The following KDM5B variants were observed in gnomAD, a reference collection of about 807,000 sequenced individuals.
The protein encoded by KDM5B is lysine demethylase 5B, also known as lysine-specific demethylase 5B.
In KDM5B, 144 loss-of-function variants were observed where a neutral mutation model predicts 193.4. That is an observed-to-expected ratio of 0.74 (90% CI 0.65 to 0.86). The LOEUF (loss-of-function observed/expected upper bound fraction) is 0.86. KDM5B is among the 40% of genes least tolerant of loss of function. The pLI is 0.00. For missense variants in KDM5B, 1,833 were observed against 1,886.9 expected, an observed-to-expected ratio of 0.97 and a Z score of 0.53; for synonymous variants, 668 against 682.6, an observed-to-expected ratio of 0.98 and a Z score of 0.33.
In KDM5B at chr1:202,728,770, C is replaced by T; in HGVS notation, c.*266G>A. ...TCAATGCCTTCCAAATTGGTGGGAA[C>T]CCCTGCAAAAAAAACAGTCAGCTTT... On this transcript the variant is annotated 3_prime_UTR_variant, in exon 27 of 27. Transcript: ENST00000367265. The T allele has an allele frequency of 2.8e-6, 1 of 353,304 alleles. No individual in the cohort carries two copies. Among genetic ancestry groups the T allele is most frequent in the East Asian group, 5.4e-5 (1 of 18,598 alleles). 21.9% of individuals were successfully genotyped at this position (353,304 alleles called of 1,614,324 possible). A position where few individuals can be genotyped will look rare whatever the true frequency, so the allele number is the denominator to read the frequency against.
At chr1:202,743,006 C>T (rs972362316) in intron 16 of KDM5B, among the ~76,000 whole-genome samples, 2 of 151,942 alleles carry the variant, frequency 1.3e-5, no homozygotes, top group Non-Finnish European at 2.9e-5. Flanking sequence ...TAAACAAGTG[C>T]CTAGAGTTGA....
In KDM5B at chr1:202,760,545, C is replaced by T. The variant is rs1359455080; in HGVS notation, c.947G>A (p.Gly316Asp). 1 of 1,612,274 alleles carries T rather than the reference C, an allele frequency of 6.2e-7. No homozygotes were observed. The highest frequency in any genetic ancestry group is 8.5e-7 in the Non-Finnish European group (1 of 1,179,132). Residue 316 changes from glycine to aspartate, a missense_variant, in exon 8 of 27, where the codon GGC (glycine) becomes GAC (aspartate). By Grantham distance (94) the Gly-to-Asp change is moderately conservative. Around this residue, in one of 3 missense-constraint regions of KDM5B, gnomAD observed 99 missense variants for 162.4 expected, o/e 0.61. Transcript: ENST00000367265. ...AVDLYVCLLCGSGNDEDRLLL... is the reference protein window; with the variant it reads ...AVDLYVCLLCDSGNDEDRLLL... Reference sequence around the variant, plus strand: ...TAGCCGGTCTTCATCATTGCCACTGCCACATAAAAGACAGACATACAGGTC... The same window carrying T: ...TAGCCGGTCTTCATCATTGCCACTGTCACATAAAAGACAGACATACAGGTC...
intron 1 of KDM5B, among the ~76,000 whole-genome samples, chr1:202,778,605 TTTTA>T (rs770475289): frequency 2.3e-4 from 35 of 152,090 alleles, no homozygotes; most frequent in Non-Finnish European, 4.1e-4. Flanking sequence ...AGCATAGATC[TTTTA>T]TTTATTTATT....
intron 18 of KDM5B, 74 bp from the exon 19 acceptor site, chr1:202,741,796 TA>T: frequency 1.2e-6 from 1 of 804,738 alleles, no homozygotes; most frequent in Non-Finnish European, 2.0e-6. Flanking sequence ...CTTAGAATCT[TA>T]AATTCATATT....
At chr1:202,747,964 T>A (rs933002763) in intron 14 of KDM5B, among the ~76,000 whole-genome samples, 38 of 151,816 alleles carry the variant, frequency 2.5e-4, no homozygotes, top group African/African-American at 6.3e-4. Context: ...AACAATTTTT[T>A]AAAAAAAACA....
chr1:202,734,179 A>T (rs1317825234), intron 22 of KDM5B, among the ~76,000 whole-genome samples: 1 of 152,010 alleles, frequency 6.6e-6, no homozygotes, highest in Non-Finnish European at 1.5e-5. Context: ...GTTCTCAAAA[A>T]ATCTGTCACA....
chr1:202,743,519 G>T (rs3952364), intron 16 of KDM5B, among the ~76,000 whole-genome samples: 102,283 of 152,014 alleles, frequency 0.67, 37,037 homozygotes, highest in Admixed American at 0.82. Flanking sequence ...TAGAGCACAG[G>T]AGACTCAGAG....
chr1:202,777,117 A>G (rs928967045), intron 1 of KDM5B, 23 bp from the exon 2 acceptor site: 2 of 1,575,948 alleles, frequency 1.3e-6, no homozygotes, highest in Admixed American at 1.7e-5. Context: ...AAAGGCTCTT[A>G]TTAGAATAAC....
intron 4 of KDM5B, among the ~76,000 whole-genome samples, chr1:202,772,860 CA>C (rs66904265): frequency 0.18 from 28,078 of 151,998 alleles, 2,959 homozygotes; most frequent in Middle Eastern, 0.28. Flanking sequence ...CCATGCCCAG[CA>C]AATTTTTGTA....
At chr1:202,732,264 T>C in intron 23 of KDM5B, 1 of 250,282 alleles carries the variant, frequency 4.0e-6, no homozygotes, top group Non-Finnish European at 7.6e-6. Flanking sequence ...ATTCTCCTTA[T>C]TGAAGATTAA....
rs189837190 is a variant in KDM5B, at chr1:202,778,591, C to A, written c.205-1497G>T. Among the ~76,000 whole-genome samples the A allele has an allele frequency of 2.6e-3, 394 of 152,122 alleles. 1 individual carries two copies. The highest frequency in any genetic ancestry group is 9.0e-3 in the African/African-American group (375 of 41,490). Reference sequence around the variant, plus strand: ...AAAAGCAAAAAAGGAAAAATGTACCCTGTAGCATAGATCTTTTATTTATTT... The same window carrying A: ...AAAAGCAAAAAAGGAAAAATGTACCATGTAGCATAGATCTTTTATTTATTT... On this transcript the variant is annotated intron_variant, in intron 1 of 26. Coordinates refer to ENST00000367265, the MANE Select transcript of KDM5B (RefSeq NM_006618.5).
At chr1:202,775,802 G>C (rs1355870837) in intron 2 of KDM5B, among the ~76,000 whole-genome samples, 2 of 124,906 alleles carry the variant, frequency 1.6e-5, no homozygotes, top group Admixed American at 1.9e-4. Flanking sequence ...GTTGCAGTGA[G>C]CTGAGATTGT....
chr1:202,785,009 CA>C (rs11445160), intron 1 of KDM5B, among the ~76,000 whole-genome samples: 1,978 of 89,318 alleles, frequency 0.022, 12 homozygotes, highest in Middle Eastern at 0.034. Context: ...GAGCCTGTCT[CA>C]AAAAAAAAAA....
intron 11 of KDM5B, among the ~76,000 whole-genome samples, chr1:202,754,276 T>C (rs1655921593): frequency 6.6e-6 from 1 of 152,244 alleles, no homozygotes; most frequent in Admixed American, 6.5e-5. Context: ...TACATATATA[T>C]GCCAATTCTC....
At chr1:202,770,410 A>G (rs1656663927) in intron 4 of KDM5B, among the ~76,000 whole-genome samples, 4 of 152,176 alleles carry the variant, frequency 2.6e-5, no homozygotes, top group Admixed American at 2.0e-4. Flanking sequence ...CCCTTTTGCA[A>G]TAATTCCTTT....
rs1368933438 is a variant in KDM5B at position 202,726,260 on chromosome 1, A to T, written c.*2776T>A. On this transcript the variant is annotated 3_prime_UTR_variant, in exon 27 of 27. Coordinates refer to ENST00000367265, the MANE Select transcript of KDM5B (RefSeq NM_006618.5). ...CAGGTTTTTAACAACCTCCATCACC[A>T]CAAGTGGCATCTCTCCTTTAGGTTA... 1 of 152,200 alleles carries T rather than the reference A, an allele frequency of 6.6e-6. No homozygotes were observed. The highest frequency in any genetic ancestry group is 6.5e-5 in the Admixed American group (1 of 15,284). The allele number at this position is 152,200 out of a possible 1,614,324, so 9.4% of individuals were successfully genotyped here. A position where few individuals can be genotyped will look rare whatever the true frequency, so the allele number is the denominator to read the frequency against.
intron 20 of KDM5B, among the ~76,000 whole-genome samples, chr1:202,739,076 T>C (rs1655202280): frequency 6.6e-6 from 1 of 152,224 alleles, no homozygotes; most frequent in African/African-American, 2.4e-5. Context: ...CATTTAGTCA[T>C]ATAACTAGAT....
chr1:202,792,976 C>A (rs1184611900), intron 1 of KDM5B, among the ~76,000 whole-genome samples: 6 of 149,694 alleles, frequency 4.0e-5, no homozygotes, highest in Non-Finnish European at 8.9e-5. Flanking sequence ...CAACTCCAGC[C>A]TGGGCCACAC....
intron 22 of KDM5B, among the ~76,000 whole-genome samples, chr1:202,734,233 T>A (rs1260394952): frequency 3.5e-5 from 5 of 144,110 alleles, no homozygotes; most frequent in Non-Finnish European, 3.0e-5. Flanking sequence ...CCCTTTCAGA[T>A]CCATCACGAT....
Sources: gnomAD v4.1 joint callset for allele counts (sites outside exome capture counted in the v4.1 genomes callset) on GRCh38, gnomAD v4.1.1 for gene constraint, gnomAD v4.1.1 regional missense constraint, MANE v1.5 for transcripts, NCBI Gene and HGNC (gene_info 2026-07-23, HGNC 2026-07-21) for gene names.